C2orf92: variants seen among roughly 807,000 people sequenced by gnomAD.
The protein encoded by C2orf92 is uncharacterized protein C2orf92.
At chr2:97,667,412 G>A (rs1425442936), upstream of C2orf92, among the ~76,000 whole-genome samples, 6 of 147,292 alleles carry the variant, frequency 4.1e-5, no homozygotes, top group Non-Finnish European at 7.5e-5. Context: ...ACAGGTTCCC[G>A]CCACCATGCC....
intron 3 of C2orf92, among the ~76,000 whole-genome samples, chr2:97,684,202 ATT>A (rs1417068842): frequency 4.6e-5 from 7 of 151,864 alleles, no homozygotes; most frequent in Non-Finnish European, 8.8e-5. Context: ...CGCCTGGCTA[ATT>A]TTTTGTATTT....
chr2:97,684,228 G>A (rs1675877657), intron 3 of C2orf92, among the ~76,000 whole-genome samples: 1 of 151,946 alleles, frequency 6.6e-6, no homozygotes, highest in African/African-American at 2.4e-5. Context: ...GTAGAGATGG[G>A]GTTTCACCAT....
chr2:97,701,487 C>T (rs1275747646), intron 7 of C2orf92, among the ~76,000 whole-genome samples, 183 bp downstream of exon 7: 1 of 152,224 alleles, frequency 6.6e-6, no homozygotes, highest in African/African-American at 2.4e-5. Flanking sequence ...GTTTTCGGCA[C>T]AGCCTGGGTG....
intron 2 of C2orf92, 134 bp from the exon 3 acceptor site, chr2:97,675,711 A>T: frequency 2.5e-6 from 1 of 397,406 alleles, no homozygotes; most frequent in Non-Finnish European, 4.4e-6. Flanking sequence ...GCTCTGTGAC[A>T]CTCAGAATAG....
rs1409514698 is a variant in C2orf92, at chr2:97,676,435, AAAAAAAAAAAAAAG to A, written c.232+521_232+534del. On this transcript the variant is annotated intron_variant, in intron 3 of 7. Coordinates refer to ENST00000627399, the MANE Select transcript of C2orf92 (RefSeq NM_001351368.2). The stretch of plus-strand genomic sequence containing the variant: ...GGCGACAGAGCAAGACTCCATCTCA[AAAAAAAAAAAAAAG>A]AAAAAAAAAAAAAAAAAGACACCCC... Among the ~76,000 whole-genome samples the A allele has an allele frequency of 2.0e-3, 231 of 113,760 alleles. 2 individuals are homozygous for A. Among genetic ancestry groups the A allele is most frequent in the African/African-American group, 7.0e-3 (228 of 32,664 alleles). 74.6% of individuals were successfully genotyped at this position (113,760 alleles called of 152,430 possible). A position where few individuals can be genotyped will look rare whatever the true frequency, so the allele number is the denominator to read the frequency against.
intron 7 of C2orf92, 140 bp downstream of exon 7, chr2:97,701,444 G>T: frequency 2.6e-6 from 1 of 390,238 alleles, no homozygotes; most frequent in East Asian, 3.6e-5. Context: ...CCCCTGGCCT[G>T]CTCTGTCAAA....
chr2:97,683,248 C>A (rs554664587), intron 3 of C2orf92, among the ~76,000 whole-genome samples: 18 of 152,032 alleles, frequency 1.2e-4, no homozygotes, highest in African/African-American at 4.3e-4. Context: ...CAATTAATTC[C>A]ATTTACGATT....
chr2:97,694,252 T>G (rs558282544), intron 5 of C2orf92, among the ~76,000 whole-genome samples: 1 of 151,116 alleles, frequency 6.6e-6, no homozygotes, highest in African/African-American at 2.4e-5. Context: ...TTCTTTCTTT[T>G]TTTTTTTTTT....
chr2:97,674,698 AG>A (rs1034180215), intron 2 of C2orf92, 141 bp downstream of exon 2: 1 of 394,998 alleles, frequency 2.5e-6, no homozygotes, highest in Non-Finnish European at 4.5e-6. Context: ...TGAGATGTGA[AG>A]AACTCTCTGA....
intron 5 of C2orf92, among the ~76,000 whole-genome samples, chr2:97,694,824 G>A (rs896445355): frequency 2.0e-5 from 3 of 152,136 alleles, no homozygotes; most frequent in Non-Finnish European, 2.9e-5. Flanking sequence ...TTCCCATCAT[G>A]GCGGTACCAT....
intron 2 of C2orf92, chr2:97,675,534 C>T: frequency 3.7e-6 from 1 of 269,958 alleles, no homozygotes; most frequent in Non-Finnish European, 6.9e-6. Flanking sequence ...AAATCATTTG[C>T]CATACACCAT....
intron 7 of C2orf92, among the ~76,000 whole-genome samples, chr2:97,701,832 A>G (rs2104612669): frequency 6.6e-6 from 1 of 152,312 alleles, no homozygotes; most frequent in African/African-American, 2.4e-5. Context: ...TGCCTGGCAC[A>G]GCCGTGGCCC....
intron 3 of C2orf92, among the ~76,000 whole-genome samples, chr2:97,686,454 C>G (rs940523530): frequency 6.6e-6 from 1 of 152,002 alleles, no homozygotes; most frequent in Non-Finnish European, 1.5e-5. Context: ...GAGTCTTGCC[C>G]TGTCACCCAG....
intron 5 of C2orf92, among the ~76,000 whole-genome samples, chr2:97,693,118 T>C (rs2104590113): frequency 6.6e-6 from 1 of 152,350 alleles, no homozygotes; most frequent in Non-Finnish European, 1.5e-5. Context: ...TGTAGTATAA[T>C]GTTCTCAAGG....
At position 97,700,630 on chromosome 2, in the gene C2orf92, G is replaced by A. The variant is rs568740881; in HGVS notation, c.515-524G>A. On this transcript the variant is annotated intron_variant, in intron 6 of 7. Transcript: ENST00000627399. ...CCCCCCAAAATCATCCCATCTTATCGCCAAATAGCAGATGAATGCATATGA... is the reference window on the plus strand; with the variant it reads ...CCCCCCAAAATCATCCCATCTTATCACCAAATAGCAGATGAATGCATATGA... 2.6e-5 allele frequency among the ~76,000 whole-genome samples: 4 copies of A among 151,866 alleles called. No homozygotes were observed. The East Asian group carries it at 5.8e-4, about 22-fold the overall frequency.
intron 3 of C2orf92, among the ~76,000 whole-genome samples, chr2:97,677,026 A>G (rs1297524804): frequency 1.3e-5 from 2 of 152,174 alleles, no homozygotes; most frequent in Non-Finnish European, 1.5e-5. Context: ...TTAAGTAGCT[A>G]TGGAATATTG....
At chr2:97,671,553 C>T (rs983736924) in intron 1 of C2orf92, 8 of 398,520 alleles carry the variant, frequency 2.0e-5, no homozygotes, top group Non-Finnish European at 3.5e-5. Flanking sequence ...GAGTTGCGTG[C>T]ATGGTCCTCA....
At chr2:97,671,611 G>A in intron 1 of C2orf92, 1 of 397,586 alleles carries the variant, frequency 2.5e-6, no homozygotes. Context: ...GAAGGCAGGT[G>A]CTCTTCCTTG....
intron 1 of C2orf92, among the ~76,000 whole-genome samples, chr2:97,672,834 G>A (rs1443841289): frequency 6.6e-6 from 1 of 152,124 alleles, no homozygotes; most frequent in Non-Finnish European, 1.5e-5. Context: ...GTGAGCTCCT[G>A]TTACATCAAG....
Sources: gnomAD v4.1 joint callset for allele counts (sites outside exome capture counted in the v4.1 genomes callset) on GRCh38, gnomAD v4.1.1 for gene constraint, MANE v1.5 for transcripts, NCBI Gene and HGNC (gene_info 2026-07-23, HGNC 2026-07-21) for gene names.